The following GALNT17 variants were observed in gnomAD, a reference collection of about 807,000 sequenced individuals.
GALNT17 encodes the protein polypeptide N-acetylgalactosaminyltransferase 17.
A neutral mutation model predicts 63.7 loss-of-function variants in GALNT17; 29 were observed. The observed-to-expected ratio is 0.46, with a 90% CI of 0.34 to 0.62. GALNT17 has a LOEUF of 0.62. Ranked by LOEUF, GALNT17 falls within the 20% of genes least tolerant of loss-of-function variation. GALNT17 has a pLI of 0.01. For synonymous variants in GALNT17, 305 were observed against 318.3 expected, an observed-to-expected ratio of 0.96 and a Z score of 0.45; for missense variants, 603 against 799.6, an observed-to-expected ratio of 0.75 and a Z score of 2.97.
intron 1 of GALNT17, among the ~76,000 whole-genome samples, chr7:71,268,895 T>G (rs891612390): frequency 6.6e-6 from 1 of 152,080 alleles, no homozygotes; most frequent in African/African-American, 2.4e-5. Flanking sequence ...TGGCTTCTTC[T>G]AGCATGACCA....
intron 9 of GALNT17, among the ~76,000 whole-genome samples, chr7:71,686,112 A>T (rs1340553888): frequency 2.0e-5 from 3 of 150,906 alleles, no homozygotes; most frequent in Admixed American, 2.0e-4. Context: ...CTGCCACCAC[A>T]CCTGGTTAAT....
intron 2 of GALNT17, among the ~76,000 whole-genome samples, chr7:71,344,523 G>T (rs375038039): frequency 5.7e-4 from 87 of 152,198 alleles, no homozygotes; most frequent in Middle Eastern, 3.4e-3. Flanking sequence ...GCCAGTAAAA[G>T]ATTAGAGTCA....
intron 1 of GALNT17, among the ~76,000 whole-genome samples, chr7:71,242,641 C>G (rs1045089752): frequency 2.0e-5 from 3 of 152,078 alleles, no homozygotes; most frequent in Non-Finnish European, 2.9e-5. Flanking sequence ...CTGCCACAGG[C>G]TGGAATGCAG....
rs571804665 is a variant in GALNT17 at position 71,336,230 on chromosome 7, A to T, written c.422+497A>T. ...CTGGCTAATTTTGTATTTTTAGTAG[A>T]GATGGGATTTTATGCCTTTGGTCAG... On this transcript the variant is annotated intron_variant, in intron 2 of 10. Transcript: ENST00000333538. Among the ~76,000 whole-genome samples the T allele has an allele frequency of 5.3e-5, 8 of 151,912 alleles. No homozygotes were observed. The East Asian group carries it at 1.6e-3, about 29-fold the overall frequency.
intron 1 of GALNT17, among the ~76,000 whole-genome samples, chr7:71,247,781 T>C (rs1790125952): frequency 6.6e-6 from 1 of 152,138 alleles, no homozygotes; most frequent in Non-Finnish European, 1.5e-5. Context: ...TGACCAGAAG[T>C]CTAACCAGTA....
intron 6 of GALNT17, among the ~76,000 whole-genome samples, chr7:71,630,698 C>T (rs1443429945): frequency 6.6e-6 from 1 of 152,116 alleles, no homozygotes; most frequent in African/African-American, 2.4e-5. Flanking sequence ...TCTAAAAATA[C>T]CAGGGCACCT....
chr7:71,209,487 A>C (rs1017541797), intron 1 of GALNT17, among the ~76,000 whole-genome samples: 1 of 152,138 alleles, frequency 6.6e-6, no homozygotes, highest in Non-Finnish European at 1.5e-5. Flanking sequence ...TAGTGGTGGC[A>C]TGACACTTTA....
rs189253930 is a variant in GALNT17, at chr7:71,496,820, T to C, written c.963-74465T>C. Among the ~76,000 whole-genome samples the C allele has an allele frequency of 4.6e-5, 7 of 152,082 alleles. No homozygotes were observed. In the East Asian group the frequency reaches 1.4e-3, roughly 29 times the overall value. ...GGGGGCGGAGCACTTACACCTGTAA[T>C]CCTAGCACTTTGGGCGGCCAAGGCA... On this transcript the variant is annotated intron_variant, in intron 5 of 10. Coordinates refer to ENST00000333538, the MANE Select transcript of GALNT17 (RefSeq NM_022479.3).
intron 1 of GALNT17, among the ~76,000 whole-genome samples, chr7:71,166,010 G>A (rs578256151): frequency 6.6e-6 from 1 of 152,164 alleles, no homozygotes; most frequent in Admixed American, 6.5e-5. Context: ...TCTGTAAATG[G>A]GTCATGTACC....
chr7:71,661,580 G>T (rs1790908013), intron 6 of GALNT17, among the ~76,000 whole-genome samples: 1 of 152,204 alleles, frequency 6.6e-6, no homozygotes, highest in Non-Finnish European at 1.5e-5. Flanking sequence ...GAGCTAAAGT[G>T]CAGACTTAGG....
chr7:71,210,906 T>G (rs1789362938), intron 1 of GALNT17, among the ~76,000 whole-genome samples: 1 of 152,216 alleles, frequency 6.6e-6, no homozygotes, highest in African/African-American at 2.4e-5. Flanking sequence ...AAGAGTCAAA[T>G]AAACCCCACC....
chr7:71,314,234 A>AGT, intron 1 of GALNT17, among the ~76,000 whole-genome samples: 1 of 151,640 alleles, frequency 6.6e-6, no homozygotes, highest in Non-Finnish European at 1.5e-5. Flanking sequence ...CAGAATATTG[A>AGT]GTGTGTGTGT....
intron 6 of GALNT17, among the ~76,000 whole-genome samples, chr7:71,634,667 T>G (rs1364939668): frequency 6.0e-5 from 9 of 150,412 alleles, no homozygotes; most frequent in Non-Finnish European, 1.0e-4. Context: ...GCCAGGAGAA[T>G]TGCTTGAACC....
chr7:71,194,448 T>C (rs147710273), intron 1 of GALNT17, among the ~76,000 whole-genome samples: 193 of 152,288 alleles, frequency 1.3e-3, no homozygotes, highest in African/African-American at 4.3e-3. Flanking sequence ...CATGGTCAAA[T>C]AATGCTGTTC....
At chr7:71,441,941 G>GT (rs1182574528) in intron 5 of GALNT17, among the ~76,000 whole-genome samples, 2 of 152,028 alleles carry the variant, frequency 1.3e-5, no homozygotes, top group Non-Finnish European at 2.9e-5. Flanking sequence ...TGCAATAAAC[G>GT]TATGTGTGTG....
At chr7:71,469,333 A>G (rs1166710569) in intron 5 of GALNT17, among the ~76,000 whole-genome samples, 1 of 152,206 alleles carries the variant, frequency 6.6e-6, no homozygotes, top group African/African-American at 2.4e-5. Flanking sequence ...CAAATTCCTC[A>G]TTTGTGAATT....
intron 5 of GALNT17, among the ~76,000 whole-genome samples, chr7:71,429,944 T>C (rs528720238): frequency 1.3e-5 from 2 of 152,238 alleles, no homozygotes; most frequent in Admixed American, 6.5e-5. Context: ...TGACCTCAAG[T>C]GATCTGCCCG....
At chr7:71,641,804 C>T (rs1042914414) in intron 6 of GALNT17, among the ~76,000 whole-genome samples, 1 of 152,064 alleles carries the variant, frequency 6.6e-6, no homozygotes, top group East Asian at 1.9e-4. Flanking sequence ...GTGTCCAACA[C>T]ACAGTAAGTG....
chr7:71,500,444 T>C (rs1334187225), intron 5 of GALNT17, among the ~76,000 whole-genome samples: 1 of 152,214 alleles, frequency 6.6e-6, no homozygotes, highest in Non-Finnish European at 1.5e-5. Flanking sequence ...TGAGTGACTT[T>C]GGTGTCTACA....
Sources: allele counts gnomAD v4.1 joint callset (sites outside exome capture counted in the v4.1 genomes callset), GRCh38; gene constraint gnomAD v4.1.1; transcripts MANE v1.5; gene names NCBI Gene and HGNC (gene_info 2026-07-23, HGNC 2026-07-21).